Variants in ABLIM1 observed in about 807,000 individuals in gnomAD.
ABLIM1 encodes the protein actin-binding LIM protein 1.
Under a neutral mutation model 107.0 loss-of-function variants are expected in ABLIM1, and 40 were observed. That is an observed-to-expected ratio of 0.37 (90% CI 0.29 to 0.49). The LOEUF is 0.49. Ranked by LOEUF, ABLIM1 falls within the 20% of genes least tolerant of loss-of-function variation. The probability of loss-of-function intolerance (pLI) is 0.97; values close to 1 mark genes in which losing one functional copy is unlikely to be tolerated. For missense variants in ABLIM1, 857 were observed against 1,008.5 expected (o/e 0.85, Z 2.04); for synonymous variants, 357 against 357.3 (o/e 1.00, Z 0.01).
At chr10:114,731,266 G>C (rs1275841841) in intron 1 of ABLIM1, among the ~76,000 whole-genome samples, 2 of 149,092 alleles carry the variant, frequency 1.3e-5, no homozygotes, top group African/African-American at 5.0e-5. Flanking sequence ...TCAGCCTTGC[G>C]AGTAGCTGAG....
chr10:114,612,827 G>A (rs1027339570), intron 1 of ABLIM1, among the ~76,000 whole-genome samples: 1 of 152,210 alleles, frequency 6.6e-6, no homozygotes, highest in African/African-American at 2.4e-5. Context: ...TACAAGTTAA[G>A]AGAGAGGGTC....
intron 2 of ABLIM1, among the ~76,000 whole-genome samples, chr10:114,593,258 C>T (rs1379763691): frequency 6.6e-6 from 1 of 152,128 alleles, no homozygotes; most frequent in Non-Finnish European, 1.5e-5. Flanking sequence ...AATAAGCATT[C>T]ATAGACATGA....
the ABLIM1 span, among the ~76,000 whole-genome samples, chr10:114,787,600 G>A: frequency 1.9e-4 from 27 of 143,218 alleles, no homozygotes; most frequent in East Asian, 3.0e-3. Context: ...CCCCCCGCCC[G>A]GCCAGCCGCC....
intron 1 of ABLIM1, among the ~76,000 whole-genome samples, chr10:114,737,448 G>A (rs1031385764): frequency 1.3e-5 from 2 of 152,076 alleles, no homozygotes; most frequent in Non-Finnish European, 2.9e-5. Context: ...CTGACTCCTC[G>A]GTTTCAACAC....
At chr10:114,620,313 C>T (rs189617506) in intron 1 of ABLIM1, among the ~76,000 whole-genome samples, 19 of 152,262 alleles carry the variant, frequency 1.2e-4, no homozygotes, top group Non-Finnish European at 4.4e-5. Flanking sequence ...GTGTTTCTTC[C>T]TGGGGTAGGC....
chr10:114,523,917 G>A (rs746180796), intron 6 of ABLIM1, among the ~76,000 whole-genome samples: 1 of 152,278 alleles, frequency 6.6e-6, no homozygotes, highest in Admixed American at 6.5e-5. Flanking sequence ...TGAATGGGGG[G>A]AGAGGGTGAA....
At chr10:114,610,823 G>C (rs1030256250) in intron 1 of ABLIM1, 1 of 152,280 alleles carries the variant, frequency 6.6e-6, no homozygotes, top group South Asian at 2.1e-4. Flanking sequence ...GTACAATGGT[G>C]GGCTTCCCTG....
intron 1 of ABLIM1, among the ~76,000 whole-genome samples, chr10:114,703,814 TAGAGG>T (rs2081352702): frequency 6.6e-6 from 1 of 152,252 alleles, no homozygotes; most frequent in Admixed American, 6.5e-5. Flanking sequence ...GGGTCGCAGA[TAGAGG>T]CTGGGGGCAC....
rs766111459 is a variant in ABLIM1 at position 114,707,902 on chromosome 10, AAAAC to A, written c.-213+60155_-213+60158del. The stretch of plus-strand genomic sequence containing the variant: ...GGCGACAAGAGCAAAACTCCGTCTC[AAAAC>A]AAACAAACAAACAAACAACAACAAC... On this transcript the variant is annotated intron_variant, in intron 1 of 15. Transcript: ENST00000651092. This position sits in a 1 kb window ranked among gnomAD's most constrained non-coding sequence, Gnocchi z 4.1. Among the ~76,000 whole-genome samples the A allele has an allele frequency of 1.5e-4, 23 of 151,614 alleles. No homozygotes were observed. The highest frequency in any genetic ancestry group is 2.1e-4 in the South Asian group (1 of 4,816).
At chr10:114,445,161 C>A in intron 16 of ABLIM1, 151 bp downstream of exon 16, 2 of 660,224 alleles carry the variant, frequency 3.0e-6, no homozygotes, top group South Asian at 3.6e-5. Context: ...TAACAGACAC[C>A]TGTCTTGCCT....
chr10:114,575,237 A>G (rs1363590611), intron 3 of ABLIM1, among the ~76,000 whole-genome samples, 179 bp downstream of exon 3: 1 of 152,226 alleles, frequency 6.6e-6, no homozygotes, highest in East Asian at 1.9e-4. Flanking sequence ...GACATCACAC[A>G]TACAGTTTCC....
At chr10:114,583,466 CACATATATATATATATATATATATAT>C (rs1438507753) in intron 2 of ABLIM1, among the ~76,000 whole-genome samples, 24 of 7,088 alleles carry the variant, frequency 3.4e-3, no homozygotes, top group East Asian at 7.6e-3. Context: ...CACACACACA[CACATATATATATATATATATATATAT>C]ATATATATAT....
chr10:114,494,673 G>A (rs997630893), intron 6 of ABLIM1, among the ~76,000 whole-genome samples: 3 of 152,226 alleles, frequency 2.0e-5, no homozygotes, highest in Non-Finnish European at 2.9e-5. Context: ...CATGGAAACA[G>A]TTCAAGCTAA....
intron 1 of ABLIM1, among the ~76,000 whole-genome samples, chr10:114,766,417 A>G (rs968869339): frequency 6.6e-6 from 1 of 152,186 alleles, no homozygotes; most frequent in African/African-American, 2.4e-5. Context: ...GGGTTGAAGA[A>G]GAAATGTTTG....
intron 1 of ABLIM1, among the ~76,000 whole-genome samples, chr10:114,717,685 C>T (rs898227727): frequency 5.3e-5 from 8 of 151,970 alleles, no homozygotes; most frequent in African/African-American, 1.9e-4. Context: ...GAGGCTGAAG[C>T]GGGTGGATCA....
At chr10:114,677,918 A>G (rs1476319057) in intron 1 of ABLIM1, among the ~76,000 whole-genome samples, 2 of 152,252 alleles carry the variant, frequency 1.3e-5, no homozygotes, top group Non-Finnish European at 2.9e-5. Flanking sequence ...ATCTCCAAAC[A>G]TGGAGAGGAA....
At chr10:114,795,401 A>C in the ABLIM1 span, among the ~76,000 whole-genome samples, 5 of 152,316 alleles carry the variant, frequency 3.3e-5, no homozygotes, top group African/African-American at 7.2e-5. Context: ...GGTCAAAAGA[A>C]GCCTAGTAGA....
the ABLIM1 span, among the ~76,000 whole-genome samples, chr10:114,787,269 G>A: frequency 7.3e-5 from 11 of 151,340 alleles, no homozygotes; most frequent in Non-Finnish European, 1.6e-4. Flanking sequence ...CAACCGCCCT[G>A]TCTGAGAAGT....
chr10:114,447,998 C>T lies in ABLIM1; in HGVS notation c.1617G>A (p.Lys539=). The T allele has an allele frequency of 1.2e-6, 2 of 1,614,148 alleles. No individual in the cohort carries two copies. The highest frequency in any genetic ancestry group is 1.3e-5 in the African/African-American group (1 of 75,036). The part of the protein sequence containing the change: ...KQHAALAAQS[K]SSEDIIKFSK... Reference sequence around the variant, plus strand: ...AAAACTTGATGATATCTTCTGAGGACTTGCTCTGGGCTGCCAAGGCAGCTG... The same window carrying T: ...AAAACTTGATGATATCTTCTGAGGATTTGCTCTGGGCTGCCAAGGCAGCTG... Residue 539 remains lysine (K), a synonymous_variant, in exon 15 of 23, where the codon AAG becomes AAA. Coordinates refer to ENST00000533213, the MANE Select transcript of ABLIM1 (RefSeq NM_002313.7).
Sources: allele counts gnomAD v4.1 joint callset (sites outside exome capture counted in the v4.1 genomes callset), GRCh38; gene constraint gnomAD v4.1.1; non-coding constraint Gnocchi (gnomAD v3.1); transcripts MANE v1.5; gene names NCBI Gene and HGNC (gene_info 2026-07-23, HGNC 2026-07-21).